Variants in SHANK2 observed in about 807,000 individuals in gnomAD.
SHANK2 encodes the protein SH3 and multiple ankyrin repeat domains protein 2.
In SHANK2, 43 loss-of-function variants were observed where a neutral mutation model predicts 133.7. The observed-to-expected ratio is 0.32, with a 90% confidence interval of 0.25 to 0.41. The LOEUF (loss-of-function observed/expected upper bound fraction) is 0.41. Ranked by LOEUF, SHANK2 falls within the 10% of genes least tolerant of loss-of-function variation. SHANK2 has a pLI of 1.00. For synonymous variants in SHANK2, 1,017 were observed against 952.8 expected, an observed-to-expected ratio of 1.07 and a Z score of -1.24; for missense variants, 1,994 against 2,235.8, an observed-to-expected ratio of 0.89 and a Z score of 2.18.
intron 17 of SHANK2, among the ~76,000 whole-genome samples, chr11:70,626,038 T>C (rs1284644733): frequency 2.0e-5 from 3 of 151,968 alleles, no homozygotes; most frequent in African/African-American, 7.2e-5. Flanking sequence ...CGCTGCCTTG[T>C]TCTCACTCCC....
intron 3 of SHANK2, among the ~76,000 whole-genome samples, chr11:71,137,787 C>A (rs1952475480): frequency 6.6e-6 from 1 of 152,196 alleles, no homozygotes; most frequent in African/African-American, 2.4e-5. Context: ...AGGATCACGA[C>A]CACCCAAGCT....
At chr11:70,481,711 T>A (rs1049082435) in intron 25 of SHANK2, among the ~76,000 whole-genome samples, 2 of 152,264 alleles carry the variant, frequency 1.3e-5, no homozygotes, top group Non-Finnish European at 2.9e-5. Context: ...ATTTCGTGCC[T>A]CATTTTGCCC....
intron 11 of SHANK2, among the ~76,000 whole-genome samples, chr11:70,857,389 C>T (rs1555067013): frequency 1.3e-5 from 2 of 152,202 alleles, no homozygotes; most frequent in African/African-American, 4.8e-5. Flanking sequence ...AAAGCGTTCT[C>T]AACCTAGCCA....
chr11:70,531,119 C>T (rs1257900094), intron 17 of SHANK2, among the ~76,000 whole-genome samples: 5 of 128,684 alleles, frequency 3.9e-5, no homozygotes, highest in African/African-American at 1.4e-4. Context: ...GATGGCACCA[C>T]TGTACCCCAG....
intron 11 of SHANK2, among the ~76,000 whole-genome samples, chr11:70,881,750 G>T (rs1257403159): frequency 6.7e-6 from 1 of 150,364 alleles, no homozygotes; most frequent in Non-Finnish European, 1.5e-5. Flanking sequence ...TTTTTTAAGA[G>T]ACCAGGTTTT....
At chr11:71,202,816 C>G (rs903535925) in intron 2 of SHANK2, among the ~76,000 whole-genome samples, 4 of 152,212 alleles carry the variant, frequency 2.6e-5, no homozygotes, top group Admixed American at 1.3e-4. Context: ...AGTCACCTGC[C>G]CTGGTTAAGT....
intron 1 of SHANK2, among the ~76,000 whole-genome samples, chr11:71,246,659 C>G (rs553749808): frequency 1.2e-4 from 18 of 152,118 alleles, no homozygotes; most frequent in South Asian, 2.1e-4. Context: ...TGGAGAAAGG[C>G]CTTGGATCCC....
chr11:71,167,057 T>C (rs1953167108), intron 2 of SHANK2, among the ~76,000 whole-genome samples: 2 of 151,336 alleles, frequency 1.3e-5, no homozygotes, highest in East Asian at 2.0e-4. Flanking sequence ...TTAATCCATT[T>C]AACCCTGAGT....
At chr11:70,812,667 G>A (rs1188176458) in intron 12 of SHANK2, among the ~76,000 whole-genome samples, 1 of 152,232 alleles carries the variant, frequency 6.6e-6, no homozygotes, top group African/African-American at 2.4e-5. Context: ...AGCAGCAGAA[G>A]CCAGACCTCT....
intron 1 of SHANK2, among the ~76,000 whole-genome samples, chr11:71,235,827 C>T (rs117052236): frequency 0.071 from 10,745 of 152,216 alleles, 431 homozygotes; most frequent in Middle Eastern, 0.13. Context: ...GTGACACAGC[C>T]TGTGGGGAGT....
chr11:70,475,738 C>T (rs536145708), intron 25 of SHANK2, among the ~76,000 whole-genome samples: 2 of 152,290 alleles, frequency 1.3e-5, no homozygotes, highest in South Asian at 2.1e-4. Flanking sequence ...AGGGTGTTCA[C>T]GTGCTATTTT....
At chr11:70,662,117 C>T (rs1206508710) in intron 15 of SHANK2, 2 of 389,628 alleles carry the variant, frequency 5.1e-6, no homozygotes, top group Non-Finnish European at 9.6e-6. Flanking sequence ...CCACACGCAT[C>T]TTCCAGGGAA....
chr11:70,710,742 G>A (rs782654939), intron 14 of SHANK2, among the ~76,000 whole-genome samples: 2 of 152,156 alleles, frequency 1.3e-5, no homozygotes, highest in Non-Finnish European at 2.9e-5. Flanking sequence ...ACTCCTCCCC[G>A]AGCCTGCAGC....
At chr11:70,680,332 G>A (rs1341191289) in intron 15 of SHANK2, among the ~76,000 whole-genome samples, 1 of 152,190 alleles carries the variant, frequency 6.6e-6, no homozygotes, top group Non-Finnish European at 1.5e-5. Flanking sequence ...ACAGTTCTGG[G>A]GGTCCGAGGT....
At chr11:70,637,492 G>A (rs868984753) in intron 17 of SHANK2, among the ~76,000 whole-genome samples, 1 of 152,246 alleles carries the variant, frequency 6.6e-6, no homozygotes, top group South Asian at 2.1e-4. Flanking sequence ...GAATCCAGGT[G>A]CCCACAGAGA....
At chr11:71,205,065 C>A (rs1404072170) in intron 2 of SHANK2, among the ~76,000 whole-genome samples, 2 of 152,134 alleles carry the variant, frequency 1.3e-5, no homozygotes, top group African/African-American at 4.8e-5. Flanking sequence ...CCAGTTAACA[C>A]CAGAGGCAGG....
chr11:70,511,580 A>C (rs527686598), intron 17 of SHANK2, among the ~76,000 whole-genome samples: 1 of 152,344 alleles, frequency 6.6e-6, no homozygotes, highest in African/African-American at 2.4e-5. Flanking sequence ...TGCCAGATTT[A>C]TAGAAGGCTC....
At chr11:70,875,666 G>A (rs561199717) in intron 11 of SHANK2, among the ~76,000 whole-genome samples, 3 of 152,200 alleles carry the variant, frequency 2.0e-5, no homozygotes, top group East Asian at 1.9e-4. Context: ...ACCAGCCTGG[G>A]AAACACAGTG....
chr11:71,101,232 C>T (rs187797086), intron 6 of SHANK2, among the ~76,000 whole-genome samples: 1 of 152,188 alleles, frequency 6.6e-6, no homozygotes. Flanking sequence ...AAGACAGGCT[C>T]CTGTGGACCC....
Sources: gnomAD v4.1 joint callset for allele counts (sites outside exome capture counted in the v4.1 genomes callset) on GRCh38, gnomAD v4.1.1 for gene constraint, MANE v1.5 for transcripts, NCBI Gene and HGNC (gene_info 2026-07-23, HGNC 2026-07-21) for gene names.